The following SKAP1 variants were observed in gnomAD, a reference collection of about 807,000 sequenced individuals.
The protein encoded by SKAP1 is src kinase associated phosphoprotein 1.
In SKAP1, 44 loss-of-function variants were observed where a neutral mutation model predicts 58.5. That is an observed-to-expected ratio of 0.75 (90% confidence interval 0.59 to 0.97). SKAP1 has a LOEUF of 0.97. SKAP1 is among the 50% of genes least tolerant of loss of function. The pLI is 0.00. For missense variants in SKAP1, 390 were observed against 435.2 expected, an observed-to-expected ratio of 0.90 and a Z score of 0.92; for synonymous variants, 127 against 149.7, an observed-to-expected ratio of 0.85 and a Z score of 1.11.
intron 4 of SKAP1, among the ~76,000 whole-genome samples, chr17:48,241,076 A>T (rs1387956017): frequency 6.6e-6 from 1 of 152,152 alleles, no homozygotes; most frequent in Non-Finnish European, 1.5e-5. Flanking sequence ...CTTATATATT[A>T]AAAAGATATT....
At chr17:48,396,377 G>A (rs183646065) in intron 2 of SKAP1, among the ~76,000 whole-genome samples, 95 of 152,240 alleles carry the variant, frequency 6.2e-4, no homozygotes, top group Middle Eastern at 6.8e-3. Context: ...AAGCATAAAT[G>A]TTTAGCTTTC....
At chr17:48,238,382 A>G (rs1418697372) in intron 4 of SKAP1, among the ~76,000 whole-genome samples, 1 of 152,092 alleles carries the variant, frequency 6.6e-6, no homozygotes, top group African/African-American at 2.4e-5. Flanking sequence ...GAAACTTGAC[A>G]TAAGTTTGTT....
the SKAP1 span, among the ~76,000 whole-genome samples, chr17:48,438,713 G>T: frequency 6.6e-6 from 1 of 152,072 alleles, no homozygotes; most frequent in African/African-American, 2.4e-5. Context: ...ACTTATTGCA[G>T]CAAAAACAAA....
At chr17:48,262,961 TATC>T (rs1183339437) in intron 4 of SKAP1, among the ~76,000 whole-genome samples, 2 of 152,222 alleles carry the variant, frequency 1.3e-5, no homozygotes, top group Non-Finnish European at 2.9e-5. Context: ...TAAAAATTGT[TATC>T]ATTTAAGAAT....
At chr17:48,281,365 A>G (rs1338900904) in intron 4 of SKAP1, among the ~76,000 whole-genome samples, 1 of 152,122 alleles carries the variant, frequency 6.6e-6, no homozygotes, top group Non-Finnish European at 1.5e-5. Context: ...CTGGTGCCCA[A>G]TAAGAAACCA....
chr17:48,289,877 G>A (rs1323172860), intron 4 of SKAP1, among the ~76,000 whole-genome samples: 1 of 152,006 alleles, frequency 6.6e-6, no homozygotes, highest in Non-Finnish European at 1.5e-5. Flanking sequence ...AACTAAAGGA[G>A]TATTTCAGAA....
intron 3 of SKAP1, among the ~76,000 whole-genome samples, chr17:48,360,887 C>A (rs9891073): frequency 0.33 from 50,675 of 151,644 alleles, 9,157 homozygotes; most frequent in African/African-American, 0.47. Flanking sequence ...GTACTAAGCT[C>A]GATGCTTACA....
At chr17:48,228,195 AAGAGAGAT>A (rs1041996617) in intron 4 of SKAP1, among the ~76,000 whole-genome samples, 2 of 152,110 alleles carry the variant, frequency 1.3e-5, no homozygotes, top group East Asian at 1.9e-4. Context: ...GAGAAAGACA[AAGAGAGAT>A]AGAGAGATAG....
At chr17:48,272,013 C>T (rs1160456703) in intron 4 of SKAP1, among the ~76,000 whole-genome samples, 2 of 152,124 alleles carry the variant, frequency 1.3e-5, no homozygotes, top group Non-Finnish European at 2.9e-5. Flanking sequence ...ATCATAAATA[C>T]ATAACATTTT....
chr17:48,304,459 A>G (rs1598541373), intron 4 of SKAP1, among the ~76,000 whole-genome samples: 1 of 152,208 alleles, frequency 6.6e-6, no homozygotes, highest in Admixed American at 6.5e-5. Context: ...TAGAAGTTAT[A>G]GAAGGTAGTG....
intron 3 of SKAP1, among the ~76,000 whole-genome samples, chr17:48,348,834 A>C (rs1009058137): frequency 6.6e-6 from 1 of 152,242 alleles, no homozygotes; most frequent in African/African-American, 2.4e-5. Context: ...GTGTGCTTTC[A>C]ACAGCCACCC....
chr17:48,277,727 G>A (rs146695246), intron 4 of SKAP1, among the ~76,000 whole-genome samples: 539 of 152,218 alleles, frequency 3.5e-3, no homozygotes, highest in African/African-American at 0.012. Context: ...AGGCTCCCAA[G>A]TAGCTTAGGA....
intron 2 of SKAP1, among the ~76,000 whole-genome samples, chr17:48,367,923 A>G (rs964272147): frequency 1.3e-5 from 2 of 152,000 alleles, no homozygotes; most frequent in African/African-American, 4.8e-5. Flanking sequence ...TCAAAAAAAA[A>G]AAAAAGAAAA....
chr17:48,212,632 T>C (rs2064887419), intron 4 of SKAP1, among the ~76,000 whole-genome samples: 1 of 152,230 alleles, frequency 6.6e-6, no homozygotes, highest in Admixed American at 6.5e-5. Flanking sequence ...GATAATGCTG[T>C]TCTAGATGCA....
chr17:48,135,510 C>A (rs2063686954), intron 12 of SKAP1, among the ~76,000 whole-genome samples: 1 of 152,170 alleles, frequency 6.6e-6, no homozygotes, highest in Non-Finnish European at 1.5e-5. Context: ...CAGGATCTTG[C>A]TCTTTCACCC....
intron 1 of SKAP1, among the ~76,000 whole-genome samples, chr17:48,401,977 A>G (rs987991520): frequency 4.6e-5 from 7 of 152,230 alleles, no homozygotes; most frequent in African/African-American, 9.6e-5. Flanking sequence ...CTGAATAGAC[A>G]TATCTCTAAA....
chr17:48,321,391 TTATTAA>T (rs1046723965), intron 4 of SKAP1, among the ~76,000 whole-genome samples: 16 of 117,770 alleles, frequency 1.4e-4, no homozygotes, highest in African/African-American at 5.9e-5. Flanking sequence ...ATTATTATTA[TTATTAA>T]GATAGAGTCT....
chr17:48,159,126 GA>G (rs2064033499), intron 11 of SKAP1, among the ~76,000 whole-genome samples: 1 of 152,206 alleles, frequency 6.6e-6, no homozygotes, highest in South Asian at 2.1e-4. Flanking sequence ...GATAGAGAGA[GA>G]GGGGGAAACC....
At position 48,138,370 on chromosome 17, in the gene SKAP1, A is replaced by AT. The variant is rs34767643; in HGVS notation, c.979-1034dup. On this transcript the variant is annotated intron_variant, in intron 11 of 12. Transcript: ENST00000336915. ...CAGGTGCGTGCCATCACACCCGGCT[A>AT]TTTTTTTTTTTTTTTTTTAGACAGA... Among the ~76,000 whole-genome samples, 773 of 130,216 alleles carry AT rather than the reference A, an allele frequency of 5.9e-3. 3 individuals are homozygous for AT. Among genetic ancestry groups the AT allele is most frequent in the South Asian group, 0.012 (48 of 3,946 alleles). The allele number at this position is 130,216 out of a possible 152,430, so 85.4% of individuals were successfully genotyped here. A position where few individuals can be genotyped will look rare whatever the true frequency, so the allele number is the denominator to read the frequency against.
Sources: gnomAD v4.1 joint callset for allele counts (sites outside exome capture counted in the v4.1 genomes callset) on GRCh38, gnomAD v4.1.1 for gene constraint, MANE v1.5 for transcripts, NCBI Gene and HGNC (gene_info 2026-07-23, HGNC 2026-07-21) for gene names.